Variants in DPP10 observed in about 807,000 individuals in gnomAD.
DPP10 encodes inactive dipeptidyl peptidase 10.
In DPP10, 33 loss-of-function variants were observed where a neutral mutation model predicts 120.9. That is an observed-to-expected ratio of 0.27 (90% CI 0.21 to 0.37). The LOEUF (loss-of-function observed/expected upper bound fraction) is 0.37. Ranked by LOEUF, DPP10 falls within the 10% of genes least tolerant of loss-of-function variation. DPP10 has a pLI of 1.00. For missense variants in DPP10, 816 were observed against 942.8 expected, an observed-to-expected ratio of 0.87 and a Z score of 1.76; for synonymous variants, 337 against 326.1, an observed-to-expected ratio of 1.03 and a Z score of -0.36.
chr2:115,499,162 A>C lies in DPP10; in HGVS notation c.272-348A>C, dbSNP rs77366174. 1.7e-3 allele frequency among the ~76,000 whole-genome samples: 265 copies of C among 152,192 alleles called. 9 individuals are homozygous for C. In the East Asian group the frequency reaches 0.048, roughly 27 times the overall value. ...TTTTAAGTTAAAATACTGGATCATC[A>C]TCAGTAATGGTTTACTTTAGAGACT... On this transcript the variant is annotated intron_variant, in intron 3 of 25. Coordinates refer to ENST00000410059, the MANE Select transcript of DPP10 (RefSeq NM_020868.6).
intron 21 of DPP10, among the ~76,000 whole-genome samples, chr2:115,833,838 C>T (rs1170764232): frequency 2.0e-5 from 3 of 152,134 alleles, no homozygotes; most frequent in Non-Finnish European, 4.4e-5. Flanking sequence ...ATCCAAAAAT[C>T]GGAAACTTCT....
At chr2:114,904,612 A>G (rs751784770) in intron 1 of DPP10, among the ~76,000 whole-genome samples, 25 of 152,334 alleles carry the variant, frequency 1.6e-4, no homozygotes, top group Middle Eastern at 3.4e-3. Context: ...GACAACACCA[A>G]TGGTGTGACT....
chr2:114,884,900 G>A (rs1367990378), intron 1 of DPP10, among the ~76,000 whole-genome samples: 1 of 152,130 alleles, frequency 6.6e-6, no homozygotes, highest in Non-Finnish European at 1.5e-5. Flanking sequence ...AAAAACTACT[G>A]CTGCAAACTG....
At chr2:114,891,068 A>AT (rs59623905) in intron 1 of DPP10, among the ~76,000 whole-genome samples, 4,009 of 147,712 alleles carry the variant, frequency 0.027, 168 homozygotes, top group African/African-American at 0.09. Flanking sequence ...ATGAAAACTG[A>AT]TTTTTTTTTT....
chr2:115,134,298 G>T (rs1475987650), intron 1 of DPP10, among the ~76,000 whole-genome samples: 1 of 152,150 alleles, frequency 6.6e-6, no homozygotes, highest in Non-Finnish European at 1.5e-5. Flanking sequence ...TATGTTACAT[G>T]TCAGTAGCAT....
chr2:114,862,590 C>T (rs1009560353), intron 1 of DPP10, among the ~76,000 whole-genome samples: 2 of 151,906 alleles, frequency 1.3e-5, no homozygotes, highest in Non-Finnish European at 2.9e-5. Flanking sequence ...ACATGAGGAG[C>T]AGACAGAAAA....
intron 1 of DPP10, among the ~76,000 whole-genome samples, chr2:114,857,253 C>CT (rs1410838249): frequency 6.6e-6 from 1 of 152,172 alleles, no homozygotes; most frequent in Admixed American, 6.5e-5. Context: ...ACATCCTTTA[C>CT]TTTACTGTAG....
intron 3 of DPP10, among the ~76,000 whole-genome samples, chr2:115,498,291 TCTTG>T (rs2148781622): frequency 6.6e-6 from 1 of 152,240 alleles, no homozygotes; most frequent in Non-Finnish European, 1.5e-5. Context: ...TGCTAATATT[TCTTG>T]CTTCTTGTCA....
chr2:114,715,931 C>T lies in DPP10; in HGVS notation c.60+273093C>T, dbSNP rs181794148. ...GCGAGTGAGCAAAATTAAAAAACAA[C>T]TCAAGATGCTACCAGATTACCAAAT... On this transcript the variant is annotated intron_variant, in intron 1 of 25. Transcript: ENST00000410059. Among the ~76,000 whole-genome samples the T allele has an allele frequency of 3.5e-3, 534 of 151,844 alleles. 3 individuals are homozygous for T. Among genetic ancestry groups the T allele is most frequent in the African/African-American group, 0.012 (501 of 41,458 alleles).
chr2:114,448,172 T>G (rs1302766804), intron 1 of DPP10, among the ~76,000 whole-genome samples: 2 of 152,216 alleles, frequency 1.3e-5, no homozygotes, highest in Non-Finnish European at 2.9e-5. Flanking sequence ...ATAGCTTAGA[T>G]CTTCATAAAA....
intron 1 of DPP10, among the ~76,000 whole-genome samples, chr2:114,610,152 T>A (rs1693166886): frequency 6.6e-6 from 1 of 152,172 alleles, no homozygotes; most frequent in Admixed American, 6.5e-5. Context: ...GGGTAAAGGA[T>A]GTTCTTTGCT....
chr2:114,670,220 C>T lies in DPP10; in HGVS notation c.60+227382C>T, dbSNP rs111766086. ...ATGCTGCTATAAAGACACATGCACACGTATGTTTATTGTGGCACTATTCAC... is the reference window on the plus strand; with the variant it reads ...ATGCTGCTATAAAGACACATGCACATGTATGTTTATTGTGGCACTATTCAC... On this transcript the variant is annotated intron_variant, in intron 1 of 25. Coordinates refer to ENST00000410059, the MANE Select transcript of DPP10 (RefSeq NM_020868.6). Among the ~76,000 whole-genome samples the T allele has an allele frequency of 3.2e-4, 49 of 152,180 alleles. 1 individual carries two copies. The highest frequency in any genetic ancestry group is 9.9e-4 in the African/African-American group (41 of 41,524).
At chr2:115,816,425 C>G (rs1311007721) in intron 21 of DPP10, among the ~76,000 whole-genome samples, 1 of 152,004 alleles carries the variant, frequency 6.6e-6, no homozygotes, top group Non-Finnish European at 1.5e-5. Flanking sequence ...GCAAGTATCG[C>G]AATCTTAGGA....
Position 114,705,962 on chromosome 2 carries a change from G to A in DPP10, c.60+263124G>A, listed in dbSNP as rs116501817. 7.9e-3 allele frequency among the ~76,000 whole-genome samples: 1,201 copies of A among 152,192 alleles called. 15 individuals carry two copies. Among genetic ancestry groups the A allele is most frequent in the African/African-American group, 0.027 (1,130 of 41,516 alleles). ...GCAAAGTAGCTCTATTTGTTCCAAGGGTTCATATGAATATTCCACACTGAC... is the reference window on the plus strand; with the variant it reads ...GCAAAGTAGCTCTATTTGTTCCAAGAGTTCATATGAATATTCCACACTGAC... On this transcript the variant is annotated intron_variant, in intron 1 of 25. Coordinates refer to ENST00000410059, the MANE Select transcript of DPP10 (RefSeq NM_020868.6).
At chr2:114,804,802 TG>T (rs983928333) in intron 1 of DPP10, among the ~76,000 whole-genome samples, 47 of 152,192 alleles carry the variant, frequency 3.1e-4, no homozygotes, top group African/African-American at 1.1e-3. Context: ...CTTTGCACTC[TG>T]GACTTTTGGG....
chr2:115,622,136 A>T (rs2084997680), intron 5 of DPP10, among the ~76,000 whole-genome samples: 1 of 152,066 alleles, frequency 6.6e-6, no homozygotes, highest in African/African-American at 2.4e-5. Context: ...TCTCCCCAAA[A>T]AACCTTGATC....
chr2:115,132,763 T>C (rs1438890282), intron 1 of DPP10, among the ~76,000 whole-genome samples: 1 of 152,100 alleles, frequency 6.6e-6, no homozygotes, highest in Non-Finnish European at 1.5e-5. Flanking sequence ...TTGGCGGAAC[T>C]GAAAATTTTA....
At chr2:115,366,625 A>G (rs2065093883) in intron 3 of DPP10, among the ~76,000 whole-genome samples, 1 of 152,028 alleles carries the variant, frequency 6.6e-6, no homozygotes, top group South Asian at 2.1e-4. Context: ...CTTCATAATC[A>G]TTGATTTATT....
chr2:114,859,322 C>T (rs537038869), intron 1 of DPP10, among the ~76,000 whole-genome samples: 8 of 149,188 alleles, frequency 5.4e-5, no homozygotes, highest in Admixed American at 1.3e-4. Context: ...GAGCCAAGAT[C>T]GTGCCATTGC....
Sources: allele counts gnomAD v4.1 joint callset (sites outside exome capture counted in the v4.1 genomes callset), GRCh38; gene constraint gnomAD v4.1.1; transcripts MANE v1.5; gene names NCBI Gene and HGNC (gene_info 2026-07-23, HGNC 2026-07-21).